Variants in RASGEF1A observed in about 807,000 individuals in gnomAD.
The protein encoded by RASGEF1A is ras-GEF domain-containing family member 1A.
Under a neutral mutation model 56.4 loss-of-function variants are expected in RASGEF1A, and 18 were observed. That is an observed-to-expected ratio of 0.32 (90% CI 0.22 to 0.47). The LOEUF (loss-of-function observed/expected upper bound fraction) is 0.47. Among genes scored for constraint, RASGEF1A ranks in the 20% least tolerant of loss-of-function variants. The pLI is 1.00. For synonymous variants in RASGEF1A, 245 were observed against 242.6 expected, an observed-to-expected ratio of 1.01 and a Z score of -0.09; for missense variants, 422 against 627.1, an observed-to-expected ratio of 0.67 and a Z score of 3.49.
intron 1 of RASGEF1A, chr10:43,207,493 C>T: frequency 1.1e-5 from 11 of 985,400 alleles, no homozygotes; most frequent in Non-Finnish European, 1.3e-5. Flanking sequence ...CTGGCCCAGA[C>T]GTCACTGGTT....
At chr10:43,237,114 G>A (rs1368768547) in intron 1 of RASGEF1A, among the ~76,000 whole-genome samples, 1 of 152,028 alleles carries the variant, frequency 6.6e-6, no homozygotes, top group African/African-American at 2.4e-5. Flanking sequence ...AGGGAATCTT[G>A]TGACAAGCCT....
At position 43,266,866 on chromosome 10, in the gene RASGEF1A, T is replaced by A. The variant is rs1172698391; in HGVS notation, c.-28A>T. ...CTACCTCGGTCCGGGCCAGCGTCGC[T>A]CCCGCGCCGCCCTCGCGCCGCAGTC... On this transcript the variant is annotated 5_prime_UTR_variant, in exon 1 of 13. Coordinates refer to ENST00000395810, the MANE Select transcript of RASGEF1A (RefSeq NM_145313.4). 6.9e-5 allele frequency: 10 copies of A among 145,156 alleles called. No homozygotes were observed. In the East Asian group the frequency reaches 2.0e-3, roughly 29 times the overall value. The allele number at this position is 145,156 out of a possible 1,614,324, so 9.0% of individuals were successfully genotyped here. A position where few individuals can be genotyped will look rare whatever the true frequency, so the allele number is the denominator to read the frequency against.
chr10:43,212,691 G>A (rs547233297), intron 1 of RASGEF1A, among the ~76,000 whole-genome samples: 1 of 152,268 alleles, frequency 6.6e-6, no homozygotes, highest in African/African-American at 2.4e-5. Flanking sequence ...TGCTCCTGGG[G>A]CTCTGCTCAG....
chr10:43,228,336 C>G (rs1840310125), intron 1 of RASGEF1A, among the ~76,000 whole-genome samples: 1 of 152,238 alleles, frequency 6.6e-6, no homozygotes, highest in African/African-American at 2.4e-5. Flanking sequence ...CCCTCCTTCA[C>G]TGGTGGTCAG....
chr10:43,218,002 C>T (rs975796207), intron 1 of RASGEF1A, among the ~76,000 whole-genome samples: 8 of 152,164 alleles, frequency 5.3e-5, no homozygotes, highest in South Asian at 2.1e-4. Context: ...ATGGGCTGGG[C>T]GTCCAATGGG....
chr10:43,203,299 T>A lies in RASGEF1A; in HGVS notation c.320A>T (p.Lys107Met). 2 of 1,544,014 alleles carry A rather than the reference T, an allele frequency of 1.3e-6. No homozygotes were observed. Among genetic ancestry groups the A allele is most frequent in the Non-Finnish European group, 1.7e-6 (2 of 1,143,362 alleles). Residue 107 changes from lysine (K) to methionine (M), a missense_variant and splice_region_variant, in exon 3 of 13, where the codon AAG becomes ATG. Physicochemically the swap from Lys to Met is moderately conservative, Grantham distance 95. This residue lies in a region of RASGEF1A where 273 missense variants were observed against 339.9 expected (regional missense o/e 0.80). Coordinates refer to ENST00000395810, the MANE Select transcript of RASGEF1A (RefSeq NM_145313.4). The stretch of plus-strand genomic sequence containing the variant: ...TGCCCCAGCCAGGCCCCGCCTCACC[T>A]TTTCAGGCCCGGCTTCCAGCTGCTG... ...QKQQLEAGPEKAKLKSFSAKI... is the reference protein window; with the variant it reads ...QKQQLEAGPEMAKLKSFSAKI...
intron 1 of RASGEF1A, chr10:43,207,151 G>T (rs1840007485): frequency 6.1e-6 from 6 of 985,348 alleles, no homozygotes; most frequent in Admixed American, 6.1e-5. Context: ...CCTGCCTGTG[G>T]CCTTGCCTGC....
intron 1 of RASGEF1A, among the ~76,000 whole-genome samples, chr10:43,229,372 C>T (rs1840328518): frequency 1.3e-5 from 2 of 152,360 alleles, no homozygotes. Flanking sequence ...CCCGTCCCCA[C>T]CCCTTCCAGG....
At chr10:43,262,751 C>T (rs1836557732) in intron 1 of RASGEF1A, among the ~76,000 whole-genome samples, 1 of 152,190 alleles carries the variant, frequency 6.6e-6, no homozygotes, top group African/African-American at 2.4e-5. Flanking sequence ...CTGGGAGCCT[C>T]CTGGCAGGAG....
intron 1 of RASGEF1A, among the ~76,000 whole-genome samples, chr10:43,247,232 G>T (rs943135578): frequency 3.9e-5 from 6 of 152,178 alleles, no homozygotes; most frequent in Admixed American, 3.3e-4. Flanking sequence ...TATCTACTGG[G>T]GTGGATATAA....
intron 1 of RASGEF1A, among the ~76,000 whole-genome samples, chr10:43,230,068 G>C (rs1840343492): frequency 6.6e-6 from 1 of 151,734 alleles, no homozygotes; most frequent in Admixed American, 6.6e-5. Flanking sequence ...CTGGCGCGCG[G>C]GGCCGGCGAG....
At chr10:43,218,668 G>A (rs182764789) in intron 1 of RASGEF1A, among the ~76,000 whole-genome samples, 4 of 152,366 alleles carry the variant, frequency 2.6e-5, no homozygotes, top group Admixed American at 6.5e-5. Flanking sequence ...AAGAAGGGCC[G>A]GATTTACCTT....
chr10:43,195,251 CCT>C lies in RASGEF1A; in HGVS notation c.*991_*992del, dbSNP rs1292647501. 3.3e-5 allele frequency: 5 copies of C among 152,254 alleles called. No homozygotes were observed. The highest frequency in any genetic ancestry group is 5.9e-5 in the Non-Finnish European group (4 of 68,074). 9.4% of individuals were successfully genotyped at this position (152,254 alleles called of 1,614,324 possible). A position where few individuals can be genotyped will look rare whatever the true frequency, so the allele number is the denominator to read the frequency against. Reference sequence around the variant, plus strand: ...CTCCTCTAGCTGGGTGTAGAAAACACCTCTCAGTATTGGGCAGTTTTATCTGA... The same window carrying C: ...CTCCTCTAGCTGGGTGTAGAAAACACCTCAGTATTGGGCAGTTTTATCTGA... On this transcript the variant is annotated 3_prime_UTR_variant, in exon 13 of 13. Transcript: ENST00000395810. The surrounding 1 kb of genome is among the most constrained non-coding windows in gnomAD (Gnocchi z 4.2).
intron 1 of RASGEF1A, among the ~76,000 whole-genome samples, chr10:43,235,978 G>T (rs570437453): frequency 6.6e-6 from 1 of 152,206 alleles, no homozygotes; most frequent in African/African-American, 2.4e-5. Flanking sequence ...CCTGAGCAGA[G>T]ACCTGCACAA....
At chr10:43,230,955 G>T (rs1048506709) in intron 1 of RASGEF1A, among the ~76,000 whole-genome samples, 2 of 152,204 alleles carry the variant, frequency 1.3e-5, no homozygotes, top group African/African-American at 4.8e-5. Context: ...CCTTCTCCTG[G>T]AGTGCTGCCC....
At chr10:43,221,270 G>A (rs1045627941) in intron 1 of RASGEF1A, among the ~76,000 whole-genome samples, 6 of 152,310 alleles carry the variant, frequency 3.9e-5, no homozygotes, top group African/African-American at 1.4e-4. Flanking sequence ...GTTGGGGTGT[G>A]AAAACGTCCC....
rs557387190 is a variant in RASGEF1A at position 43,250,133 on chromosome 10, C to T, written c.-7+16712G>A. On this transcript the variant is annotated intron_variant, in intron 1 of 12. Transcript: ENST00000395810. ...TGGTGAATGCCATGCACCTGAAGGA[C>T]CGGTGCAGCTCCCTGCGAGGCACCT... Among the ~76,000 whole-genome samples the T allele has an allele frequency of 2.6e-5, 4 of 152,368 alleles. No homozygotes were observed. In the South Asian group the frequency reaches 8.3e-4, roughly 32 times the overall value.
intron 1 of RASGEF1A, among the ~76,000 whole-genome samples, chr10:43,255,335 T>C (rs1840676331): frequency 6.6e-6 from 1 of 152,066 alleles, no homozygotes; most frequent in Admixed American, 6.6e-5. Flanking sequence ...CCCACTGCCA[T>C]CTGGGCCTGG....
At chr10:43,244,822 T>C (rs1220709144) in intron 1 of RASGEF1A, among the ~76,000 whole-genome samples, 1 of 152,086 alleles carries the variant, frequency 6.6e-6, no homozygotes, top group Non-Finnish European at 1.5e-5. Context: ...GTGCTGAGTT[T>C]AAAAATATAT....
Sources: allele counts gnomAD v4.1 joint callset (sites outside exome capture counted in the v4.1 genomes callset), GRCh38; gene constraint gnomAD v4.1.1; regional missense constraint gnomAD v4.1.1; non-coding constraint Gnocchi (gnomAD v3.1); transcripts MANE v1.5; gene names NCBI Gene and HGNC (gene_info 2026-07-23, HGNC 2026-07-21).